The following TANC1 variants were observed in gnomAD, a reference collection of about 807,000 sequenced individuals.
The protein encoded by TANC1 is protein TANC1.
TANC1 carries 77 observed loss-of-function variants against 149.7 expected under a neutral mutation model. The ratio of observed to expected loss-of-function variants is 0.51; its 90% confidence interval spans 0.43 to 0.62. The LOEUF is 0.62. TANC1 is among the 20% of genes least tolerant of loss of function. The pLI is 0.00. For synonymous variants in TANC1, 854 were observed against 925.0 expected (o/e 0.92, Z 1.39); for missense variants, 1,985 against 2,321.8 (o/e 0.85, Z 2.98).
chr2:159,149,388 G>A lies in TANC1; in HGVS notation c.495+116G>A, dbSNP rs766430712. On this transcript the variant is annotated intron_variant, in intron 6 of 26. Transcript: ENST00000263635. ...CATTGTTCAGTTAAATGAGTTCTGG[G>A]CTGTTGTGTATTGAAATTTATTTCA... The A allele has an allele frequency of 6.8e-6, 10 of 1,464,850 alleles. No homozygotes were observed. The African/African-American group carries it at 1.4e-4, about 20-fold the overall frequency. The allele number at this position is 1,464,850 out of a possible 1,614,324, so 90.7% of individuals were successfully genotyped here. A position where few individuals can be genotyped will look rare whatever the true frequency, so the allele number is the denominator to read the frequency against.
intron 3 of TANC1, among the ~76,000 whole-genome samples, chr2:159,074,873 C>G (rs983223147): frequency 3.9e-5 from 6 of 152,188 alleles, no homozygotes; most frequent in African/African-American, 1.4e-4. Context: ...TGTGTTCTCA[C>G]ATGGTAGAGA....
rs527435317 is a variant in TANC1 at position 159,031,130 on chromosome 2, A to G, written c.-16+29941A>G. On this transcript the variant is annotated intron_variant, in intron 2 of 26. Coordinates refer to ENST00000263635, the MANE Select transcript of TANC1 (RefSeq NM_033394.3). ...CTTATCAGAACTGAGCTAGAGGGTG[A>G]TTTAGGCCTGTGGAATGCAGGAGCA... Among the ~76,000 whole-genome samples, 9 of 152,334 alleles carry G rather than the reference A, an allele frequency of 5.9e-5. No individual in the cohort carries two copies. The South Asian group carries it at 1.9e-3, about 32-fold the overall frequency.
intron 2 of TANC1, among the ~76,000 whole-genome samples, chr2:159,048,860 G>A (rs542472119): frequency 1.3e-5 from 2 of 152,244 alleles, no homozygotes; most frequent in South Asian, 4.1e-4. Context: ...TGAACTCTTG[G>A]CCTCAAGCCA....
chr2:159,017,198 A>G (rs1180727826), intron 2 of TANC1, among the ~76,000 whole-genome samples: 1 of 152,164 alleles, frequency 6.6e-6, no homozygotes. Context: ...ATTATATGGG[A>G]CATACAGCCA....
At chr2:159,135,359 A>G (rs2050557232) in intron 4 of TANC1, among the ~76,000 whole-genome samples, 1 of 152,282 alleles carries the variant, frequency 6.6e-6, no homozygotes, top group Non-Finnish European at 1.5e-5. Flanking sequence ...TAGCTAGTAC[A>G]AATGGCGTTA....
At chr2:159,222,206 G>A (rs1351018482) in intron 22 of TANC1, among the ~76,000 whole-genome samples, 1 of 152,192 alleles carries the variant, frequency 6.6e-6, no homozygotes, top group Non-Finnish European at 1.5e-5. Context: ...AATTAGAGAA[G>A]AGTGAAGGAG....
At chr2:159,050,082 G>A (rs944313006) in intron 2 of TANC1, among the ~76,000 whole-genome samples, 2 of 152,156 alleles carry the variant, frequency 1.3e-5, no homozygotes, top group Non-Finnish European at 2.9e-5. Flanking sequence ...TTTCAGAAGA[G>A]TAAGTCAAAA....
chr2:159,010,369 T>C (rs1159924904), intron 2 of TANC1, among the ~76,000 whole-genome samples: 1 of 152,118 alleles, frequency 6.6e-6, no homozygotes, highest in Non-Finnish European at 1.5e-5. Flanking sequence ...AATAAGAAAC[T>C]GATAAAATAA....
rs372305146 is a variant in TANC1, at chr2:159,231,031, T to A, written c.*19T>A. The A allele has an allele frequency of 1.3e-6, 2 of 1,546,708 alleles. No homozygotes were observed. Among genetic ancestry groups the A allele is most frequent in the African/African-American group, 2.8e-5 (2 of 72,314 alleles). On this transcript the variant is annotated 3_prime_UTR_variant, in exon 27 of 27. Coordinates refer to ENST00000263635, the MANE Select transcript of TANC1 (RefSeq NM_033394.3). ...TGTGTGAACCTTAAGAAATCCCCATTTGTGGAATTTGGAAACGTGTGTTGA... is the reference window on the plus strand; with the variant it reads ...TGTGTGAACCTTAAGAAATCCCCATATGTGGAATTTGGAAACGTGTGTTGA...
chr2:159,193,184 T>C (rs2057586377), intron 16 of TANC1, among the ~76,000 whole-genome samples: 1 of 152,234 alleles, frequency 6.6e-6, no homozygotes, highest in African/African-American at 2.4e-5. Flanking sequence ...GTGAATTTGA[T>C]TACTGTATAT....
chr2:159,098,542 A>G (rs929711959), intron 4 of TANC1, among the ~76,000 whole-genome samples: 2 of 152,204 alleles, frequency 1.3e-5, no homozygotes, highest in African/African-American at 2.4e-5. Flanking sequence ...ACAATAGTCT[A>G]TTTATTACTA....
intron 4 of TANC1, among the ~76,000 whole-genome samples, chr2:159,133,609 C>T (rs996966923): frequency 1.3e-5 from 2 of 151,858 alleles, no homozygotes; most frequent in African/African-American, 4.8e-5. Context: ...ACCCCCAAAC[C>T]CCCACAAGTC....
chr2:159,229,995 G>C lies in TANC1; in HGVS notation c.4569G>C (p.Leu1523=), dbSNP rs753582737. The C allele has an allele frequency of 6.2e-7, 1 of 1,614,074 alleles. No individual in the cohort carries two copies. Among genetic ancestry groups the C allele is most frequent in the East Asian group, 2.2e-5 (1 of 44,880 alleles). ...SLREPVAQPG[L]LLQPSKQAQI... ...GAGAGCCTGTGGCCCAGCCAGGGCT[G>C]CTCCTGCAGCCCTCCAAGCAGGCCC... Residue 1523 remains leucine (L), a synonymous_variant, in exon 27 of 27, where the codon CTG becomes CTC. Transcript: ENST00000263635.
At chr2:159,127,132 C>A (rs930056402) in intron 4 of TANC1, among the ~76,000 whole-genome samples, 4 of 151,992 alleles carry the variant, frequency 2.6e-5, no homozygotes, top group African/African-American at 4.8e-5. Context: ...ACAAAAAAAT[C>A]CCATCAAAAA....
intron 14 of TANC1, among the ~76,000 whole-genome samples, chr2:159,182,884 C>T (rs1402899597): frequency 6.6e-6 from 1 of 152,238 alleles, no homozygotes; most frequent in Non-Finnish European, 1.5e-5. Flanking sequence ...GCTCTGTTCT[C>T]TGTTAACTCG....
chr2:159,202,076 T>G (rs79328449), intron 19 of TANC1, among the ~76,000 whole-genome samples: 2,137 of 152,322 alleles, frequency 0.014, 26 homozygotes, highest in Non-Finnish European at 0.024. Flanking sequence ...GAAGTGTGGT[T>G]GTCGTGCCTG....
At chr2:159,049,805 G>A (rs2041337864) in intron 2 of TANC1, among the ~76,000 whole-genome samples, 1 of 152,180 alleles carries the variant, frequency 6.6e-6, no homozygotes, top group Non-Finnish European at 1.5e-5. Context: ...CTAGTGAGTG[G>A]GTTTTGGAAG....
intron 7 of TANC1, among the ~76,000 whole-genome samples, chr2:159,156,487 G>A (rs1044881673): frequency 3.0e-4 from 45 of 152,276 alleles, no homozygotes; most frequent in African/African-American, 1.0e-3. Flanking sequence ...CCAGGAGCAA[G>A]CATGTTCAGT....
Position 159,229,584 on chromosome 2 carries a change from C to A in TANC1, c.4158C>A (p.Phe1386Leu). 1 of 1,610,842 alleles carries A rather than the reference C, an allele frequency of 6.2e-7. No homozygotes were observed. Among genetic ancestry groups the A allele is most frequent in the Non-Finnish European group, 8.5e-7 (1 of 1,178,574 alleles). ...CTTACATTTTCCTACAAAGGCAATTCGTGGCAGCTCTGGCTGACCTGCAAG... is the reference window on the plus strand; with the variant it reads ...CTTACATTTTCCTACAAAGGCAATTAGTGGCAGCTCTGGCTGACCTGCAAG... ...RARAKRNSRQ[F>L]VAALADLQEA... Residue 1386 changes from phenylalanine (F) to leucine (L), a missense_variant, in exon 27 of 27, where the codon TTC becomes TTA. Around this residue, in one of 3 missense-constraint regions of TANC1, gnomAD observed 920 missense variants for 994.7 expected, o/e 0.92. Transcript: ENST00000263635.
Sources: allele counts gnomAD v4.1 joint callset (sites outside exome capture counted in the v4.1 genomes callset), GRCh38; gene constraint gnomAD v4.1.1; regional missense constraint gnomAD v4.1.1; transcripts MANE v1.5; gene names NCBI Gene and HGNC (gene_info 2026-07-23, HGNC 2026-07-21).